Variants in NRXN3 observed in about 807,000 individuals in gnomAD.
The protein encoded by NRXN3 is neurexin III.
Under a neutral mutation model 137.6 loss-of-function variants are expected in NRXN3, and 32 were observed. That is an observed-to-expected ratio of 0.23 (90% CI 0.18 to 0.31). The LOEUF is 0.31. Among genes scored for constraint, NRXN3 ranks in the 10% least tolerant of loss-of-function variants. The pLI is 1.00. For synonymous variants in NRXN3, 798 were observed against 784.5 expected (o/e 1.02, Z -0.29); for missense variants, 1,574 against 2,062.5 (o/e 0.76, Z 4.59).
At chr14:78,961,077 C>T (rs564733471) in intron 11 of NRXN3, among the ~76,000 whole-genome samples, 1 of 148,276 alleles carries the variant, frequency 6.7e-6, no homozygotes, top group South Asian at 2.1e-4. Context: ...CACATACTTA[C>T]ACACTTTTAA....
At chr14:79,142,584 T>C (rs1396917183) in intron 15 of NRXN3, among the ~76,000 whole-genome samples, 1 of 152,130 alleles carries the variant, frequency 6.6e-6, no homozygotes, top group Non-Finnish European at 1.5e-5. Flanking sequence ...ACCTGTGAAG[T>C]GGCATGCATG....
intron 16 of NRXN3, among the ~76,000 whole-genome samples, chr14:79,625,399 C>T (rs2153911387): frequency 6.6e-6 from 1 of 152,172 alleles, no homozygotes; most frequent in African/African-American, 2.4e-5. Context: ...CATATCTTAG[C>T]TATTGTAAAA....
chr14:79,071,259 G>C (rs1411051094), intron 15 of NRXN3, among the ~76,000 whole-genome samples: 2 of 151,794 alleles, frequency 1.3e-5, no homozygotes, highest in Non-Finnish European at 2.9e-5. Context: ...TATACTTTAA[G>C]TTCTGTGATA....
At chr14:78,467,837 C>A (rs1293660753) in intron 4 of NRXN3, among the ~76,000 whole-genome samples, 1 of 152,140 alleles carries the variant, frequency 6.6e-6, no homozygotes, top group East Asian at 1.9e-4. Context: ...CACATACACA[C>A]ACACCACACA....
intron 16 of NRXN3, among the ~76,000 whole-genome samples, chr14:79,607,373 C>T (rs2098034354): frequency 1.3e-5 from 2 of 152,164 alleles, no homozygotes; most frequent in Non-Finnish European, 1.5e-5. Flanking sequence ...AAGAAATATT[C>T]AGCAATGTGT....
chr14:78,386,603 AATT>A (rs2090004477), intron 4 of NRXN3, among the ~76,000 whole-genome samples: 1 of 152,206 alleles, frequency 6.6e-6, no homozygotes. Context: ...AGGTAGATAT[AATT>A]ATTCTTACTT....
chr14:79,470,403 C>A (rs1317771602), intron 16 of NRXN3, among the ~76,000 whole-genome samples: 1 of 152,118 alleles, frequency 6.6e-6, no homozygotes, highest in African/African-American at 2.4e-5. Flanking sequence ...CTAAGGCGAG[C>A]ACTGCATCCT....
intron 15 of NRXN3, among the ~76,000 whole-genome samples, chr14:79,082,933 G>T (rs1183226197): frequency 6.6e-6 from 1 of 152,112 alleles, no homozygotes; most frequent in Non-Finnish European, 1.5e-5. Flanking sequence ...AGATAAATGG[G>T]ATTTTTCACT....
At chr14:78,297,808 T>G in intron 3 of NRXN3, 23 bp from the exon 4 acceptor site, 1 of 1,515,062 alleles carries the variant, frequency 6.6e-7, no homozygotes, top group Non-Finnish European at 8.9e-7. Flanking sequence ...CCTCTTCCCT[T>G]TCTCCCTGTT....
intron 15 of NRXN3, among the ~76,000 whole-genome samples, chr14:79,019,812 G>A (rs1245601477): frequency 6.6e-6 from 1 of 152,118 alleles, no homozygotes; most frequent in African/African-American, 2.4e-5. Flanking sequence ...GTGGATTGGT[G>A]AGAACAGCAG....
intron 4 of NRXN3, among the ~76,000 whole-genome samples, chr14:78,517,016 T>C (rs2153796661): frequency 6.6e-6 from 1 of 152,290 alleles, no homozygotes; most frequent in East Asian, 1.9e-4. Flanking sequence ...GTTTAAATTT[T>C]TGTTAAATTC....
chr14:79,303,509 C>T (rs1487749788), intron 15 of NRXN3, among the ~76,000 whole-genome samples: 1 of 151,828 alleles, frequency 6.6e-6, no homozygotes, highest in Non-Finnish European at 1.5e-5. Flanking sequence ...TGACATTTCT[C>T]CTCCACAACA....
Position 79,273,151 on chromosome 14 carries a change from G to A in NRXN3, c.3263-194070G>A, listed in dbSNP as rs187253148. 5.8e-5 allele frequency among the ~76,000 whole-genome samples: 8 copies of A among 136,860 alleles called. No individual in the cohort carries two copies. The South Asian group carries it at 6.8e-4, about 12-fold the overall frequency. 89.8% of individuals were successfully genotyped at this position (136,860 alleles called of 152,430 possible). A position where few individuals can be genotyped will look rare whatever the true frequency, so the allele number is the denominator to read the frequency against. Reference sequence around the variant, plus strand: ...CACGCCACTGCATTCCAGCCAGGGCGGCAATGCAAGACTCTGTGGCCAAAA... The same window carrying A: ...CACGCCACTGCATTCCAGCCAGGGCAGCAATGCAAGACTCTGTGGCCAAAA... On this transcript the variant is annotated intron_variant, in intron 15 of 20. Transcript: ENST00000335750.
chr14:78,963,624 G>T (rs2099412303), intron 11 of NRXN3, among the ~76,000 whole-genome samples: 1 of 152,062 alleles, frequency 6.6e-6, no homozygotes, highest in African/African-American at 2.4e-5. Flanking sequence ...TTATTTCCTA[G>T]TTATTTGTTA....
intron 10 of NRXN3, among the ~76,000 whole-genome samples, chr14:78,837,208 A>G (rs1346788663): frequency 1.3e-5 from 2 of 152,210 alleles, no homozygotes; most frequent in Non-Finnish European, 2.9e-5. Context: ...TACTATCCTT[A>G]AATCTAAAGT....
At chr14:79,656,182 C>G (rs1174353335) in intron 16 of NRXN3, among the ~76,000 whole-genome samples, 1 of 152,178 alleles carries the variant, frequency 6.6e-6, no homozygotes, top group Non-Finnish European at 1.5e-5. Context: ...ATGAAGACCG[C>G]TGGGTGGTTC....
At chr14:78,397,494 GT>G (rs376908385) in intron 4 of NRXN3, among the ~76,000 whole-genome samples, 41 of 149,334 alleles carry the variant, frequency 2.7e-4, no homozygotes, top group South Asian at 2.1e-3. Context: ...CAGTTATTCT[GT>G]TTTTTTTTCC....
intron 20 of NRXN3, among the ~76,000 whole-genome samples, chr14:79,826,682 T>C (rs1483218786): frequency 6.6e-6 from 1 of 152,196 alleles, no homozygotes; most frequent in Non-Finnish European, 1.5e-5. Flanking sequence ...TGCACCAGCG[T>C]CTGCATAATG....
chr14:79,752,858 A>C (rs979645463), intron 19 of NRXN3, among the ~76,000 whole-genome samples: 11 of 152,208 alleles, frequency 7.2e-5, no homozygotes, highest in Non-Finnish European at 1.2e-4. Context: ...CAATGAACTC[A>C]AACAAATTTA....
Sources: allele counts gnomAD v4.1 joint callset (sites outside exome capture counted in the v4.1 genomes callset), GRCh38; gene constraint gnomAD v4.1.1; transcripts MANE v1.5; gene names NCBI Gene and HGNC (gene_info 2026-07-23, HGNC 2026-07-21).